The following PPFIA2 variants were observed in gnomAD, a reference collection of about 807,000 sequenced individuals.
The protein encoded by PPFIA2 is liprin-alpha-2.
A neutral mutation model predicts 175.5 loss-of-function variants in PPFIA2; 46 were observed. That is an observed-to-expected ratio of 0.26 (90% CI 0.21 to 0.34). The LOEUF (loss-of-function observed/expected upper bound fraction) is 0.34, where lower values mean the gene tolerates loss of function less well. PPFIA2 is among the 10% of genes least tolerant of loss of function. The pLI, the probability that PPFIA2 is intolerant of heterozygous loss-of-function variation, is 1.00. For missense variants in PPFIA2, 1,179 were observed against 1,506.1 expected, an observed-to-expected ratio of 0.78 and a Z score of 3.60; for synonymous variants, 568 against 511.4, an observed-to-expected ratio of 1.11 and a Z score of -1.49.
At chr12:81,703,323 C>T (rs943539280) in intron 3 of PPFIA2, among the ~76,000 whole-genome samples, 2 of 151,974 alleles carry the variant, frequency 1.3e-5, no homozygotes, top group African/African-American at 4.8e-5. Context: ...AATTTTTTCT[C>T]CTTCTTAGAC....
chr12:81,405,867 T>G lies in PPFIA2; in HGVS notation c.682A>C (p.Arg228=). The G allele has an allele frequency of 1.3e-6, 2 of 1,576,906 alleles. No individual in the cohort carries two copies. The highest frequency in any genetic ancestry group is 1.7e-6 in the Non-Finnish European group (2 of 1,159,156). Residue 228 remains arginine, a synonymous_variant, in exon 8 of 33, where the codon AGA becomes CGA. Coordinates refer to ENST00000549396, the MANE Select transcript of PPFIA2 (RefSeq NM_003625.5). ...ALREQNVHIQ[R]KMASSEGSTE... ...GATCCCTCGCTTGATGCCATTTTTC[T>G]TTGTATATGAACATTTTGTTCACGC...
At chr12:81,499,494 AT>A (rs2060371627) in intron 4 of PPFIA2, among the ~76,000 whole-genome samples, 1 of 152,122 alleles carries the variant, frequency 6.6e-6, no homozygotes, top group Non-Finnish European at 1.5e-5. Flanking sequence ...TAATAATTAT[AT>A]TTTTGAGGAA....
chr12:81,454,311 T>C (rs2053200743), intron 5 of PPFIA2, among the ~76,000 whole-genome samples: 1 of 152,316 alleles, frequency 6.6e-6, no homozygotes, highest in African/African-American at 2.4e-5. Flanking sequence ...GTGGGTGACA[T>C]AGGAATATGA....
At chr12:81,321,450 T>G (rs1186260553) in intron 22 of PPFIA2, among the ~76,000 whole-genome samples, 4 of 152,172 alleles carry the variant, frequency 2.6e-5, no homozygotes, top group Non-Finnish European at 5.9e-5. Flanking sequence ...ATTAATTCCC[T>G]TGTAAGCTCA....
At chr12:81,306,036 C>T (rs1471987138) in intron 22 of PPFIA2, among the ~76,000 whole-genome samples, 1 of 152,142 alleles carries the variant, frequency 6.6e-6, no homozygotes, top group African/African-American at 2.4e-5. Context: ...TGTCCAAATA[C>T]CATACAGCAC....
At chr12:81,300,249 A>T (rs941387003) in intron 22 of PPFIA2, among the ~76,000 whole-genome samples, 1 of 152,144 alleles carries the variant, frequency 6.6e-6, no homozygotes, top group Non-Finnish European at 1.5e-5. Context: ...TTGGCCAGGA[A>T]TATATTGGAA....
intron 5 of PPFIA2, among the ~76,000 whole-genome samples, chr12:81,447,546 T>C (rs2051526170): frequency 6.6e-6 from 1 of 152,192 alleles, no homozygotes; most frequent in Admixed American, 6.6e-5. Context: ...CTCACTACTG[T>C]CTAAAGTAAG....
At chr12:81,315,109 T>A (rs996138870) in intron 22 of PPFIA2, among the ~76,000 whole-genome samples, 7 of 151,850 alleles carry the variant, frequency 4.6e-5, no homozygotes, top group African/African-American at 1.7e-4. Context: ...TCTGTCTCTC[T>A]GTCTCTCTAA....
intron 4 of PPFIA2, among the ~76,000 whole-genome samples, chr12:81,619,130 T>C (rs1429936485): frequency 6.6e-6 from 1 of 152,314 alleles, no homozygotes; most frequent in East Asian, 1.9e-4. Context: ...TTGTCCTATA[T>C]GTTACTTACT....
At chr12:81,296,549 C>T (rs2046475299) in intron 23 of PPFIA2, 1 of 151,996 alleles carries the variant, frequency 6.6e-6, no homozygotes, top group East Asian at 1.9e-4. Context: ...GTAGAAAACA[C>T]AACAAAAAAT....
intron 8 of PPFIA2, among the ~76,000 whole-genome samples, chr12:81,388,857 T>G (rs193072644): frequency 8.3e-4 from 126 of 151,940 alleles, no homozygotes; most frequent in Non-Finnish European, 1.2e-3. Context: ...TTTACCACAT[T>G]GCCTCTAATC....
chr12:81,262,105 A>G (rs948359034), intron 31 of PPFIA2, 65 bp from the exon 32 acceptor site: 2 of 1,146,964 alleles, frequency 1.7e-6, no homozygotes, highest in Admixed American at 1.9e-5. Context: ...CAGATGAGAA[A>G]GATTTATTTT....
chr12:81,748,143 T>A (rs2153661380), intron 3 of PPFIA2, among the ~76,000 whole-genome samples: 1 of 144,410 alleles, frequency 6.9e-6, no homozygotes, highest in East Asian at 2.1e-4. Context: ...ACATTACCCA[T>A]CCCTGACCAT....
In PPFIA2 at chr12:81,635,549, C is replaced by G. The variant is rs181094262; in HGVS notation, c.303+41242G>C. ...CACACCTGGGGTCTACAGCCTCAAC[C>G]AGGAAGACATGAAATGACCTCAGAC... is the stretch of plus-strand genomic sequence containing the variant. On this transcript the variant is annotated intron_variant, in intron 4 of 32. Coordinates refer to ENST00000549396, the MANE Select transcript of PPFIA2 (RefSeq NM_003625.5). Among the ~76,000 whole-genome samples, 597 of 152,234 alleles carry G rather than the reference C, an allele frequency of 3.9e-3. 5 individuals are homozygous for G. The highest frequency in any genetic ancestry group is 0.025 in the South Asian group (122 of 4,816).
intron 7 of PPFIA2, among the ~76,000 whole-genome samples, chr12:81,439,544 A>G (rs2049767140): frequency 6.6e-6 from 1 of 152,178 alleles, no homozygotes; most frequent in South Asian, 2.1e-4. Flanking sequence ...GTCACTAAAT[A>G]TGAGTACAGT....
At chr12:81,333,606 A>G (rs1257259249) in intron 21 of PPFIA2, among the ~76,000 whole-genome samples, 1 of 136,278 alleles carries the variant, frequency 7.3e-6, no homozygotes, top group Non-Finnish European at 1.7e-5. Context: ...TATTGACTTT[A>G]GAGTCACATG....
intron 3 of PPFIA2, among the ~76,000 whole-genome samples, chr12:81,724,852 G>A (rs1711558104): frequency 6.6e-6 from 1 of 150,908 alleles, no homozygotes; most frequent in African/African-American, 2.4e-5. Context: ...GCCAGTGGTG[G>A]GATTGCTGGA....
intron 4 of PPFIA2, among the ~76,000 whole-genome samples, chr12:81,470,019 C>A (rs964699076): frequency 1.3e-5 from 2 of 152,064 alleles, no homozygotes; most frequent in Admixed American, 6.6e-5. Context: ...TCCAGAACTG[C>A]GAGGAAATAT....
rs71098161 is a variant in PPFIA2, at chr12:81,692,109, G to GACACACACACACACAC, written c.250-15281_250-15266dup. 1.4e-4 allele frequency among the ~76,000 whole-genome samples: 21 copies of GACACACACACACACAC among 149,298 alleles called. 1 individual carries two copies. The highest frequency in any genetic ancestry group is 2.7e-4 in the African/African-American group (11 of 40,412). On this transcript the variant is annotated intron_variant, in intron 3 of 32. Transcript: ENST00000549396. Reference sequence around the variant, plus strand: ...ACACACACACACATACACAAACACAGACACACACACACACACACACACACA... The same window carrying GACACACACACACACAC: ...ACACACACACACATACACAAACACAGACACACACACACACACACACACACACACACACACACACACA...
Sources: allele counts gnomAD v4.1 joint callset (sites outside exome capture counted in the v4.1 genomes callset), GRCh38; gene constraint gnomAD v4.1.1; transcripts MANE v1.5; gene names NCBI Gene and HGNC (gene_info 2026-07-23, HGNC 2026-07-21).